DUXA: variants seen among roughly 807,000 people sequenced by gnomAD.
DUXA encodes double homeobox A.
DUXA carries 25 observed loss-of-function variants against 27.5 expected under a neutral mutation model. The observed-to-expected ratio is 0.91, with a 90% CI of 0.66 to 1.27. The LOEUF is 1.27. DUXA is among the 50% of genes most tolerant of loss of function. The pLI is 0.00. For synonymous variants in DUXA, 90 were observed against 80.5 expected, an observed-to-expected ratio of 1.12 and a Z score of -0.63; for missense variants, 247 against 242.9, an observed-to-expected ratio of 1.02 and a Z score of -0.11.
At chr19:57,162,720 A>G (rs1473896889) in intron 1 of DUXA, among the ~76,000 whole-genome samples, 2 of 152,064 alleles carry the variant, frequency 1.3e-5, no homozygotes, top group Admixed American at 6.6e-5. Flanking sequence ...GGTTACAGGC[A>G]CGTGCCGCCA....
In DUXA at chr19:57,160,730, G is replaced by A. The variant is rs757054870; in HGVS notation, c.93C>T (p.Ile31=). 10 of 1,614,036 alleles carry A rather than the reference G, an allele frequency of 6.2e-6. No homozygotes were observed. Among genetic ancestry groups the A allele is most frequent in the Non-Finnish European group, 8.5e-6 (10 of 1,180,046 alleles). The part of the protein sequence containing the change: ...KFTEEQLKIL[I]NTFNQKPYPG... The stretch of plus-strand genomic sequence containing the variant: ...GGTAAGGCTTTTGATTGAAGGTATT[G>A]ATGAGGATTTTCAACTGTTCTTCTG... Residue 31 remains isoleucine, a synonymous_variant, in exon 2 of 6, where the codon ATC becomes ATT. Transcript: ENST00000554048.
At chr19:57,159,352 T>A (rs2087008731) in intron 2 of DUXA, 74 bp from the exon 3 acceptor site, 1 of 1,337,292 alleles carries the variant, frequency 7.5e-7, no homozygotes, top group Non-Finnish European at 1.1e-6. Context: ...GTTCCCAAAG[T>A]GAGCAATTCT....
chr19:57,162,721 C>T (rs913625841), intron 1 of DUXA, among the ~76,000 whole-genome samples: 12 of 152,188 alleles, frequency 7.9e-5, no homozygotes, highest in South Asian at 2.1e-4. Context: ...GTTACAGGCA[C>T]GTGCCGCCAC....
intron 1 of DUXA, among the ~76,000 whole-genome samples, chr19:57,164,373 C>T (rs1182130870): frequency 2.6e-5 from 4 of 152,090 alleles, no homozygotes; most frequent in Admixed American, 6.5e-5. Context: ...GTCAGGAGTT[C>T]GAGACCAGCC....
intron 1 of DUXA, among the ~76,000 whole-genome samples, chr19:57,161,152 C>G (rs1035389168): frequency 6.6e-6 from 1 of 151,376 alleles, no homozygotes; most frequent in African/African-American, 2.4e-5. Flanking sequence ...GATGAAACTC[C>G]ATCTGTACTA....
intron 4 of DUXA, among the ~76,000 whole-genome samples, chr19:57,155,676 C>CT (rs67029888): frequency 0.045 from 712 of 15,766 alleles, 2 homozygotes; most frequent in Non-Finnish European, 0.045. Flanking sequence ...TAGATAGATA[C>CT]TTTTTTTTTT....
chr19:57,160,641 A>C lies in DUXA; in HGVS notation c.180+2T>G. 6.2e-7 allele frequency: 1 copy of C among 1,611,976 alleles called. No homozygotes were observed. The highest frequency in any genetic ancestry group is 8.5e-7 in the Non-Finnish European group (1 of 1,179,904). ...TCCTGGAGATATTGAACTTTAACTT[A>C]CCTGGATTCTGGACTCTTCTGTATT... On this transcript the variant is annotated splice_donor_variant, in intron 2 of 5. Coordinates refer to ENST00000554048, the MANE Select transcript of DUXA (RefSeq NM_001012729.2). LOFTEE classifies it high-confidence loss of function.
At chr19:57,155,152 C>G in intron 5 of DUXA, 115 bp downstream of exon 5, 2 of 901,256 alleles carry the variant, frequency 2.2e-6, no homozygotes, top group African/African-American at 3.3e-5. Context: ...CCGTGGAGCA[C>G]TTGAGTGGGG....
chr19:57,160,945 A>G (rs1440639221), intron 1 of DUXA, 148 bp from the exon 2 acceptor site: 3 of 867,518 alleles, frequency 3.5e-6, no homozygotes, highest in Non-Finnish European at 5.2e-6. Context: ...GGAGCTCTTG[A>G]ACACACAATG....
Position 57,154,391 on chromosome 19 carries a change from G to A in DUXA, c.*21C>T, listed in dbSNP as rs752677401. The A allele has an allele frequency of 6.2e-7, 1 of 1,608,766 alleles. No individual in the cohort carries two copies. Among genetic ancestry groups the A allele is most frequent in the South Asian group, 1.1e-5 (1 of 90,972 alleles). On this transcript the variant is annotated 3_prime_UTR_variant, in exon 6 of 6. Transcript: ENST00000554048. ...TTTGGGGTCCAGTTGATATTATCAA[G>A]TACACTGAATTTGACTGTGTTCACC...
intron 1 of DUXA, among the ~76,000 whole-genome samples, chr19:57,162,781 G>C (rs1282371021): frequency 2.0e-5 from 3 of 151,990 alleles, no homozygotes; most frequent in Non-Finnish European, 4.4e-5. Flanking sequence ...TCACCACGTT[G>C]GCCAGACTGG....
chr19:57,158,272 C>T, intron 4 of DUXA, 56 bp downstream of exon 4: 1 of 1,593,496 alleles, frequency 6.3e-7, no homozygotes, highest in Non-Finnish European at 8.6e-7. Context: ...ATGTGGCTTC[C>T]CTTCCTGTAT....
chr19:57,164,590 A>G (rs897990516), intron 1 of DUXA, among the ~76,000 whole-genome samples: 1 of 152,082 alleles, frequency 6.6e-6, no homozygotes, highest in Non-Finnish European at 1.5e-5. Flanking sequence ...AAATAAAATT[A>G]AAAATAATTT....
At chr19:57,162,760 G>A (rs903680334) in intron 1 of DUXA, among the ~76,000 whole-genome samples, 2 of 152,026 alleles carry the variant, frequency 1.3e-5, no homozygotes, top group Non-Finnish European at 2.9e-5. Context: ...ATTTTTAGTA[G>A]AGACAGGGTT....
chr19:57,166,305 G>A (rs1413772331), intron 1 of DUXA, among the ~76,000 whole-genome samples: 5 of 151,988 alleles, frequency 3.3e-5, no homozygotes, highest in South Asian at 2.1e-4. Flanking sequence ...TTTAATTTAT[G>A]TATGTATGTA....
intron 4 of DUXA, 38 bp downstream of exon 4, chr19:57,158,290 T>C (rs1374127972): frequency 6.2e-7 from 1 of 1,608,530 alleles, no homozygotes; most frequent in African/African-American, 1.3e-5. Context: ...TATACCTAGA[T>C]CCCTAGGAGA....
At chr19:57,161,426 A>T (rs555676803) in intron 1 of DUXA, among the ~76,000 whole-genome samples, 1 of 149,756 alleles carries the variant, frequency 6.7e-6, no homozygotes, top group African/African-American at 2.5e-5. Context: ...GATCGAGACC[A>T]TCCTGGCTAA....
intron 1 of DUXA, among the ~76,000 whole-genome samples, chr19:57,165,803 CA>C (rs3082068): frequency 0.026 from 2,512 of 95,824 alleles, 54 homozygotes; most frequent in African/African-American, 0.11. Context: ...AGACTCCTCT[CA>C]AAAAAAAAAA....
chr19:57,161,419 C>T lies in DUXA; in HGVS notation c.26-622G>A, dbSNP rs111826088. ...CGGGCGGATCACAAGGTCAGGAGATCGAGACCATCCTGGCTAACATGATGA... is the reference window on the plus strand; with the variant it reads ...CGGGCGGATCACAAGGTCAGGAGATTGAGACCATCCTGGCTAACATGATGA... On this transcript the variant is annotated intron_variant, in intron 1 of 5. Coordinates refer to ENST00000554048, the MANE Select transcript of DUXA (RefSeq NM_001012729.2). Among the ~76,000 whole-genome samples, 966 of 146,790 alleles carry T rather than the reference C, an allele frequency of 6.6e-3. 17 individuals are homozygous for T. The highest frequency in any genetic ancestry group is 0.023 in the African/African-American group (873 of 38,658).
Sources: gnomAD v4.1 joint callset for allele counts (sites outside exome capture counted in the v4.1 genomes callset) on GRCh38, gnomAD v4.1.1 for gene constraint, MANE v1.5 for transcripts, NCBI Gene and HGNC (gene_info 2026-07-23, HGNC 2026-07-21) for gene names.